MAGEA11: variants seen among roughly 807,000 people sequenced by gnomAD.
The protein encoded by MAGEA11 is MAGE family member A11.
In MAGEA11, 1 loss-of-function variant was observed where a neutral mutation model predicts 8.4. That is an observed-to-expected ratio of 0.12 (90% CI 0.04 to 0.57). The LOEUF (loss-of-function observed/expected upper bound fraction) is 0.57, where lower values mean the gene tolerates loss of function less well. Among genes scored for constraint, MAGEA11 ranks in the 20% least tolerant of loss-of-function variants. The probability of loss-of-function intolerance (pLI) is 0.91; values close to 1 mark genes in which losing one functional copy is unlikely to be tolerated. For missense variants in MAGEA11, 209 were observed against 317.3 expected, an observed-to-expected ratio of 0.66 and a Z score of 2.59; for synonymous variants, 127 against 119.3, an observed-to-expected ratio of 1.06 and a Z score of -0.42.
chrX:149,704,385 T>C (rs1406221485), intron 1 of MAGEA11, among the ~76,000 whole-genome samples: 1 of 112,235 alleles, frequency 8.9e-6, no homozygotes, highest in Non-Finnish European at 1.9e-5. Flanking sequence ...CATTAAAGAG[T>C]TAAGTGGGAT....
At chrX:149,693,460 C>G (rs2090318377) in intron 1 of MAGEA11, among the ~76,000 whole-genome samples, 1 of 111,222 alleles carries the variant, frequency 9.0e-6, no homozygotes, top group African/African-American at 3.3e-5. Context: ...AGTTCCTGCC[C>G]CCTCTTCAGC....
intron 1 of MAGEA11, among the ~76,000 whole-genome samples, chrX:149,691,733 T>G (rs1433661131): frequency 8.9e-6 from 1 of 112,322 alleles, no homozygotes; most frequent in Non-Finnish European, 1.9e-5. Flanking sequence ...TCTTCATTAT[T>G]TTGTTCTGCA....
intron 1 of MAGEA11, among the ~76,000 whole-genome samples, chrX:149,712,876 G>A (rs1238217690): frequency 1.8e-5 from 2 of 112,648 alleles, no homozygotes; most frequent in African/African-American, 3.2e-5. Flanking sequence ...GAGGGCTGAG[G>A]CCCCACAGAG....
chrX:149,707,076 T>A (rs2090380640), upstream of MAGEA11, among the ~76,000 whole-genome samples: 1 of 112,067 alleles, frequency 8.9e-6, no homozygotes, highest in Non-Finnish European at 1.9e-5. Flanking sequence ...GATGCTTACC[T>A]GGTCCAGGAG....
chrX:149,712,593 C>A (rs1557362019), intron 1 of MAGEA11, among the ~76,000 whole-genome samples: 1 of 111,277 alleles, frequency 9.0e-6, no homozygotes, highest in Non-Finnish European at 1.9e-5. Flanking sequence ...TGTGAGGAGG[C>A]AAGATGAGAT....
chrX:149,703,991 T>G (rs2090365093), intron 1 of MAGEA11, among the ~76,000 whole-genome samples: 1 of 112,242 alleles, frequency 8.9e-6, no homozygotes, highest in Non-Finnish European at 1.9e-5. Flanking sequence ...TATTCAAACT[T>G]ACTTTCTTAT....
upstream of MAGEA11, among the ~76,000 whole-genome samples, chrX:149,710,840 A>G (rs2090396886): frequency 9.0e-6 from 1 of 111,243 alleles, no homozygotes; most frequent in Non-Finnish European, 1.9e-5. Flanking sequence ...AAAAATAAAT[A>G]AATAAAGGAA....
intron 1 of MAGEA11, among the ~76,000 whole-genome samples, chrX:149,705,067 C>G (rs1453146732): frequency 3.6e-5 from 4 of 112,609 alleles, no homozygotes; most frequent in Non-Finnish European, 7.5e-5. Flanking sequence ...CCCCCGCTAT[C>G]CCTATGTTCA....
At chrX:149,690,270 T>G (rs1438539972) in intron 1 of MAGEA11, among the ~76,000 whole-genome samples, 1 of 112,990 alleles carries the variant, frequency 8.9e-6, no homozygotes, top group Non-Finnish European at 1.9e-5. Context: ...TTATTAGAGA[T>G]ATGTCTCTTA....
intron 1 of MAGEA11, among the ~76,000 whole-genome samples, chrX:149,692,097 T>G: frequency 9.0e-6 from 1 of 110,789 alleles, no homozygotes; most frequent in Non-Finnish European, 1.9e-5. Context: ...AAGAAAATAT[T>G]TTTTTTTTGG....
upstream of MAGEA11, among the ~76,000 whole-genome samples, chrX:149,709,568 C>G (rs1557361749): frequency 1.8e-5 from 2 of 111,751 alleles, no homozygotes; most frequent in African/African-American, 6.5e-5. Flanking sequence ...ACACTTAAAC[C>G]AAAGTTACTC....
upstream of MAGEA11, among the ~76,000 whole-genome samples, chrX:149,711,413 A>G (rs183100761): frequency 8.9e-6 from 1 of 112,299 alleles, no homozygotes. Context: ...TGCAAAGTCT[A>G]GATCTGGCTG....
chrX:149,694,808 G>C (rs1338775315), intron 1 of MAGEA11, among the ~76,000 whole-genome samples: 1 of 109,741 alleles, frequency 9.1e-6, no homozygotes, highest in Non-Finnish European at 1.9e-5. Context: ...TGGAACCTCT[G>C]CCTCCCAGGT....
upstream of MAGEA11, among the ~76,000 whole-genome samples, chrX:149,708,270 A>T (rs1557361633): frequency 9.0e-6 from 1 of 111,671 alleles, no homozygotes; most frequent in Non-Finnish European, 1.9e-5. Flanking sequence ...TTCAATCTTT[A>T]ATCCATGTCG....
At chrX:149,692,390 G>C (rs1310388177) in intron 1 of MAGEA11, among the ~76,000 whole-genome samples, 1 of 109,472 alleles carries the variant, frequency 9.1e-6, no homozygotes. Flanking sequence ...TTGGGCACCA[G>C]AGTGAGACCC....
chrX:149,701,544 T>C (rs2090353452), intron 1 of MAGEA11, among the ~76,000 whole-genome samples: 1 of 109,259 alleles, frequency 9.2e-6, no homozygotes, highest in African/African-American at 3.3e-5. Flanking sequence ...GTAGTTTCTT[T>C]TGCTGTGCAG....
intron 1 of MAGEA11, among the ~76,000 whole-genome samples, chrX:149,701,722 C>T (rs12390935): frequency 0.11 from 11,944 of 110,108 alleles, 647 homozygotes; most frequent in Non-Finnish European, 0.16. Flanking sequence ...AGTCTTTAAT[C>T]CATCTTGAAT....
At chrX:149,710,034 T>C (rs997848306), upstream of MAGEA11, among the ~76,000 whole-genome samples, 21 of 111,664 alleles carry the variant, frequency 1.9e-4, 1 homozygote, top group Admixed American at 1.7e-3. Flanking sequence ...AATGCAACAG[T>C]CTATCTAGAA....
At chrX:149,693,707 T>A (rs1371192507) in intron 1 of MAGEA11, among the ~76,000 whole-genome samples, 3 of 112,311 alleles carry the variant, frequency 2.7e-5, no homozygotes, top group African/African-American at 9.7e-5. Flanking sequence ...CACCTCCTCA[T>A]TAACAATCAC....
Sources: allele counts gnomAD v4.1 joint callset (sites outside exome capture counted in the v4.1 genomes callset), GRCh38; gene constraint gnomAD v4.1.1; transcripts MANE v1.5; gene names NCBI Gene and HGNC (gene_info 2026-07-23, HGNC 2026-07-21).